Variants in CELSR2 observed in about 807,000 individuals in gnomAD.
CELSR2 encodes the protein EGF-like protein 2.
A neutral mutation model predicts 251.6 loss-of-function variants in CELSR2; 81 were observed. That is an observed-to-expected ratio of 0.32 (90% CI 0.27 to 0.39). The LOEUF (loss-of-function observed/expected upper bound fraction) is 0.39, where lower values mean the gene tolerates loss of function less well. Among genes scored for constraint, CELSR2 ranks in the 10% least tolerant of loss-of-function variants. The pLI, the probability that CELSR2 is intolerant of heterozygous loss-of-function variation, is 1.00. For missense variants in CELSR2, 3,365 were observed against 3,947.7 expected, an observed-to-expected ratio of 0.85 and a Z score of 3.96; for synonymous variants, 1,721 against 1,670.5, an observed-to-expected ratio of 1.03 and a Z score of -0.74.
In CELSR2 at chr1:109,253,312, C is replaced by G; in HGVS notation, c.3233C>G (p.Ser1078Cys). The G allele has an allele frequency of 6.2e-7, 1 of 1,613,452 alleles. No individual in the cohort carries two copies. ...NELSLVLLNA[S>C]TGELKLSRAL... is the part of the protein sequence containing the mutation. ...CTCAGCCTGGTCCTGCTCAATGCCT[C>G]CACGGGTGAGCTGAAGCTAAGCCGC... The change falls in exon 1 of 34, where the codon TCC (serine) becomes TGC (cysteine). Residue 1078 changes from serine (S) to cysteine (C), a missense_variant. By Grantham distance (112) the Ser-to-Cys change is moderately radical. This residue lies in a region of CELSR2 where 505 missense variants were observed against 660.0 expected (regional missense o/e 0.77). Coordinates refer to ENST00000271332, the MANE Select transcript of CELSR2 (RefSeq NM_001408.3).
In CELSR2 at chr1:109,269,679, GCCTT is replaced by G; in HGVS notation, c.6981-11_6981-8del. On this transcript the variant is annotated splice_polypyrimidine_tract_variant and intron_variant, in intron 21 of 33. Coordinates refer to ENST00000271332, the MANE Select transcript of CELSR2 (RefSeq NM_001408.3). The surrounding 1 kb of genome is among the most constrained non-coding windows in gnomAD (Gnocchi z 6.4). Reference sequence around the variant, plus strand: ...TCACCCTCCTTGTCTCCCTGACCCTGCCTTCCTCACACAGGGTCAGTGGCACAGG... The same window carrying G: ...TCACCCTCCTTGTCTCCCTGACCCTGCCTCACACAGGGTCAGTGGCACAGG... 6.2e-7 allele frequency: 1 copy of G among 1,614,064 alleles called. No individual in the cohort carries two copies. Among genetic ancestry groups the G allele is most frequent in the South Asian group, 1.1e-5 (1 of 91,086 alleles).
intron 6 of CELSR2, 149 bp from the exon 7 acceptor site, chr1:109,262,657 G>C: frequency 7.2e-7 from 1 of 1,387,848 alleles, no homozygotes; most frequent in Non-Finnish European, 9.7e-7. Context: ...ACAGTTCCAG[G>C]TAGGGGTGAC....
At position 109,269,548 on chromosome 1, in the gene CELSR2, G is replaced by T. The variant is rs1246174337; in HGVS notation, c.6937G>T (p.Glu2313Ter). The T allele has an allele frequency of 6.2e-7, 1 of 1,614,142 alleles. No individual in the cohort carries two copies. Residue 2313 changes from glutamate to a stop codon, truncating the protein, a stop_gained, in exon 21 of 34, where the codon GAG (glutamate) becomes TAG (stop). Coordinates refer to ENST00000271332, the MANE Select transcript of CELSR2 (RefSeq NM_001408.3). LOFTEE classifies it high-confidence loss of function. This position sits in a 1 kb window ranked among gnomAD's most constrained non-coding sequence, Gnocchi z 6.4. ...TVQFRLLETE[E>*]RTKPICVFWN... is the part of the protein sequence containing the mutation. ...GCAGTTCCGCCTGCTGGAGACAGAG[G>T]AGCGGACCAAGCCCATCTGTGTCTT...
Position 109,262,738 on chromosome 1 carries a change from G to A in CELSR2, c.4545-68G>A, listed in dbSNP as rs186905958. ...ACGCCGTTCGTGTCTCTGGCCTGGC[G>A]GCAGAGCGAGCGGAGGACCAGAAGC... On this transcript the variant is annotated intron_variant, in intron 6 of 33. Coordinates refer to ENST00000271332, the MANE Select transcript of CELSR2 (RefSeq NM_001408.3). The A allele has an allele frequency of 6.1e-5, 96 of 1,577,862 alleles. No homozygotes were observed. The African/African-American group carries it at 9.3e-4, about 15-fold the overall frequency.
chr1:109,274,239 A>G lies in CELSR2; in HGVS notation c.*190A>G. 1 of 1,357,966 alleles carries G rather than the reference A, an allele frequency of 7.4e-7. No homozygotes were observed. The allele number at this position is 1,357,966 out of a possible 1,614,324, so 84.1% of individuals were successfully genotyped here. A position where few individuals can be genotyped will look rare whatever the true frequency, so the allele number is the denominator to read the frequency against. ...CCCCACCTAAGGCCATCTAGTGCCA[A>G]CTCCCCCCCCACCATTCCCCTCACT... On this transcript the variant is annotated 3_prime_UTR_variant, in exon 34 of 34. Coordinates refer to ENST00000271332, the MANE Select transcript of CELSR2 (RefSeq NM_001408.3).
At chr1:109,258,180 T>G (rs1366541631) in intron 1 of CELSR2, among the ~76,000 whole-genome samples, 1 of 152,042 alleles carries the variant, frequency 6.6e-6, no homozygotes, top group East Asian at 1.9e-4. Context: ...AGCGGTGGCT[T>G]GGGCAGGGAA....
At chr1:109,270,724 C>G (rs1224376336) in intron 24 of CELSR2, 124 bp downstream of exon 24, 5 of 1,278,788 alleles carry the variant, frequency 3.9e-6, no homozygotes, top group Non-Finnish European at 5.4e-6. Flanking sequence ...GCCTTATTCA[C>G]AGGTGTCCCT....
At chr1:109,260,416 C>T (rs1410166814) in intron 2 of CELSR2, among the ~76,000 whole-genome samples, 27 of 152,112 alleles carry the variant, frequency 1.8e-4, no homozygotes, top group Non-Finnish European at 4.4e-5. Context: ...TAGTCTGGAC[C>T]GCAGGGCTCA....
Position 109,252,339 on chromosome 1 carries a change from A to T in CELSR2, c.2260A>T (p.Ser754Cys). ...CCGCATCACCTACTTCATGGAGGAC[A>T]GCATCCCCCAGTTCCGCATCGATGC... ...NARITYFMED[S>C]IPQFRIDADT... is the part of the protein sequence containing the mutation. Residue 754 changes from serine to cysteine, a missense_variant, in exon 1 of 34, where the codon AGC becomes TGC. Coordinates refer to ENST00000271332, the MANE Select transcript of CELSR2 (RefSeq NM_001408.3). The surrounding 1 kb of genome is among the most constrained non-coding windows in gnomAD (Gnocchi z 4.8). 1 of 1,613,086 alleles carries T rather than the reference A, an allele frequency of 6.2e-7. No homozygotes were observed. Among genetic ancestry groups the T allele is most frequent in the Non-Finnish European group, 8.5e-7 (1 of 1,180,010 alleles).
Position 109,249,543 on chromosome 1 carries a change from A to AGCTC in CELSR2, c.-534_-531dup, listed in dbSNP as rs1213791287. On this transcript the variant is annotated 5_prime_UTR_variant, in exon 1 of 34. Transcript: ENST00000271332. ...ATGAGCCGCCGCCGCGACTCTGCAGAGCTCGCCCGCCCGCCGGGGAGGCGA... is the reference window on the plus strand; with the variant it reads ...ATGAGCCGCCGCCGCGACTCTGCAGAGCTCGCTCGCCCGCCCGCCGGGGAGGCGA... Among the ~76,000 whole-genome samples, 6 of 150,094 alleles carry AGCTC rather than the reference A, an allele frequency of 4.0e-5. No homozygotes were observed.
chr1:109,270,021 C>T lies in CELSR2; in HGVS notation c.7196C>T (p.Thr2399Ile). 1.9e-6 allele frequency: 3 copies of T among 1,614,146 alleles called. No homozygotes were observed. The South Asian group carries it at 3.3e-5, about 18-fold the overall frequency. The stretch of plus-strand genomic sequence containing the variant: ...CTTCTGCTCACCTTCTTCTTCCTCA[C>T]TCTCTTGCGTATCCTGCGCTCCAAC... The part of the protein sequence containing the change: ...AALLLTFFFL[T>I]LLRILRSNQH... The change falls in exon 23 of 34, where the codon ACT becomes ATT. Residue 2399 changes from threonine (T) to isoleucine (I), a missense_variant. Coordinates refer to ENST00000271332, the MANE Select transcript of CELSR2 (RefSeq NM_001408.3).
In CELSR2 at chr1:109,271,516, C is replaced by A. The variant is rs576612024; in HGVS notation, c.7803+4C>A. The stretch of plus-strand genomic sequence containing the variant: ...TGCTACCTGCAATTGCATCCAGGTA[C>A]CTGGCCCAGCCTGTGGAGAAGGGAG... On this transcript the variant is annotated splice_donor_region_variant and intron_variant, in intron 27 of 33. Coordinates refer to ENST00000271332, the MANE Select transcript of CELSR2 (RefSeq NM_001408.3). 1.2e-6 allele frequency: 2 copies of A among 1,614,182 alleles called. No homozygotes were observed. The highest frequency in any genetic ancestry group is 2.7e-5 in the African/African-American group (2 of 75,074).
Position 109,269,453 on chromosome 1 carries a change from C to T in CELSR2, c.6842C>T (p.Pro2281Leu). The change falls in exon 21 of 34, where the codon CCC (proline) becomes CTC (leucine). Residue 2281 changes from proline (P) to leucine (L), a missense_variant. Coordinates refer to ENST00000271332, the MANE Select transcript of CELSR2 (RefSeq NM_001408.3). The surrounding 1 kb of genome is among the most constrained non-coding windows in gnomAD (Gnocchi z 6.4). ...RVPKRPIINT[P>L]VVSISVHDDE... The stretch of plus-strand genomic sequence containing the variant: ...CCCAAACGCCCGATCATCAACACAC[C>T]CGTGGTGAGCATCAGCGTCCATGAT... 2.5e-6 allele frequency: 4 copies of T among 1,614,006 alleles called. No homozygotes were observed. The highest frequency in any genetic ancestry group is 3.4e-6 in the Non-Finnish European group (4 of 1,179,982).
rs1410939334 is a variant in CELSR2, at chr1:109,259,086, C to T, written c.3958+7C>T. ...TGTCGTGATGGCTACACGGGTGAGC[C>T]AAGGGAGGGGACTCATGGGCCAGCC... On this transcript the variant is annotated splice_region_variant and intron_variant, in intron 2 of 33. Coordinates refer to ENST00000271332, the MANE Select transcript of CELSR2 (RefSeq NM_001408.3). The T allele has an allele frequency of 1.3e-6, 2 of 1,563,860 alleles. No individual in the cohort carries two copies. The highest frequency in any genetic ancestry group is 1.7e-6 in the Non-Finnish European group (2 of 1,159,258).
chr1:109,270,036 T>C lies in CELSR2; in HGVS notation c.7211T>C (p.Leu2404Pro). ...TFFFLTLLRI[L>P]RSNQHGIRRN... Reference sequence around the variant, plus strand: ...TTCTTCCTCACTCTCTTGCGTATCCTGCGCTCCAACCAACACGGCATCCGA... The same window carrying C: ...TTCTTCCTCACTCTCTTGCGTATCCCGCGCTCCAACCAACACGGCATCCGA... Residue 2404 changes from leucine to proline, a missense_variant, in exon 23 of 34, where the codon CTG (leucine) becomes CCG (proline). Around this residue, in one of 5 missense-constraint regions of CELSR2, gnomAD observed 2,093 missense variants for 2,382.8 expected, o/e 0.88. Coordinates refer to ENST00000271332, the MANE Select transcript of CELSR2 (RefSeq NM_001408.3). The C allele has an allele frequency of 6.2e-7, 1 of 1,614,122 alleles. No individual in the cohort carries two copies. The highest frequency in any genetic ancestry group is 8.5e-7 in the Non-Finnish European group (1 of 1,180,020).
chr1:109,266,559 AT>A lies in CELSR2; in HGVS notation c.6013+378del, dbSNP rs35994599. ...CTCTGGCCGCCACCACACCTGGCTA[AT>A]TTTTTTTTTTTTTTTTTTTTTTTTG... is the stretch of plus-strand genomic sequence containing the variant. On this transcript the variant is annotated intron_variant, in intron 15 of 33. Coordinates refer to ENST00000271332, the MANE Select transcript of CELSR2 (RefSeq NM_001408.3). 5.9e-3 allele frequency: 491 copies of A among 83,702 alleles called. 3 individuals carry two copies. The highest frequency in any genetic ancestry group is 0.025 in the East Asian group (72 of 2,876). The allele number at this position is 83,702 out of a possible 1,614,324, so 5.2% of individuals were successfully genotyped here.
chr1:109,251,864 T>C lies in CELSR2; in HGVS notation c.1785T>C (p.Ser595=). ...CTCCAGCACTCACTGCCTCGGCCAGTGTCAGCGTGACTGTCCTGGATGTCA... is the reference window on the plus strand; with the variant it reads ...CTCCAGCACTCACTGCCTCGGCCAGCGTCAGCGTGACTGTCCTGGATGTCA... ...HGTPALTASA[S]VSVTVLDVND... is the part of the protein sequence containing the mutation. The change falls in exon 1 of 34, where the codon AGT becomes AGC. Residue 595 remains serine (S), a synonymous_variant. Coordinates refer to ENST00000271332, the MANE Select transcript of CELSR2 (RefSeq NM_001408.3). This position sits in a 1 kb window ranked among gnomAD's most constrained non-coding sequence, Gnocchi z 4.9. The C allele has an allele frequency of 1.9e-6, 3 of 1,614,102 alleles. No homozygotes were observed. Among genetic ancestry groups the C allele is most frequent in the South Asian group, 2.2e-5 (2 of 91,080 alleles).
chr1:109,258,632 C>A lies in CELSR2; in HGVS notation c.3511C>A (p.Arg1171=). ...PDHVVVFNVQ[R]DTDAPGGHIL... ...CCACGTGGTGGTCTTCAACGTACAG[C>A]GGGACACCGACGCCCCCGGGGGCCA... The change falls in exon 2 of 34, where the codon CGG becomes AGG. Residue 1171 remains arginine (R), a synonymous_variant. Transcript: ENST00000271332. The A allele has an allele frequency of 6.4e-7, 1 of 1,561,622 alleles. No individual in the cohort carries two copies. Among genetic ancestry groups the A allele is most frequent in the Non-Finnish European group, 8.7e-7 (1 of 1,152,768 alleles).
At chr1:109,262,258 C>T in intron 5 of CELSR2, 29 bp from the exon 6 acceptor site, 5 of 1,609,888 alleles carry the variant, frequency 3.1e-6, no homozygotes, top group Middle Eastern at 1.7e-4. Context: ...TACTCAGTGT[C>T]CCCCTTCTCT....
Sources: allele counts gnomAD v4.1 joint callset (sites outside exome capture counted in the v4.1 genomes callset), GRCh38; gene constraint gnomAD v4.1.1; regional missense constraint gnomAD v4.1.1; non-coding constraint Gnocchi (gnomAD v3.1); transcripts MANE v1.5; gene names NCBI Gene and HGNC (gene_info 2026-07-23, HGNC 2026-07-21).